The following FANK1 variants were observed in gnomAD, a reference collection of about 807,000 sequenced individuals.
FANK1 encodes fibronectin type III and ankyrin repeat domains 1.
Under a neutral mutation model 45.3 loss-of-function variants are expected in FANK1, and 44 were observed. The observed-to-expected ratio is 0.97, with a 90% confidence interval of 0.76 to 1.25. FANK1 has a LOEUF of 1.25. FANK1 is among the 50% of genes most tolerant of loss of function. The pLI is 0.00. For missense variants in FANK1, 391 were observed against 424.4 expected, an observed-to-expected ratio of 0.92 and a Z score of 0.69; for synonymous variants, 149 against 152.5, an observed-to-expected ratio of 0.98 and a Z score of 0.17.
At chr10:125,940,791 C>T (rs1948404586) in intron 1 of FANK1, among the ~76,000 whole-genome samples, 2 of 152,208 alleles carry the variant, frequency 1.3e-5, no homozygotes, top group Admixed American at 6.5e-5. Flanking sequence ...TTCCGCAGTG[C>T]GTTGTGCCCC....
intron 1 of FANK1, among the ~76,000 whole-genome samples, chr10:125,935,098 C>T (rs1589929162): frequency 6.6e-6 from 1 of 150,696 alleles, no homozygotes; most frequent in Non-Finnish European, 1.5e-5. Context: ...CCAGACATCT[C>T]CTCCTACTCT....
Position 126,004,947 on chromosome 10 carries a change from T to A in FANK1, c.603T>A (p.Ala201=). The A allele has an allele frequency of 6.2e-7, 1 of 1,614,212 alleles. No individual in the cohort carries two copies. The highest frequency in any genetic ancestry group is 8.5e-7 in the Non-Finnish European group (1 of 1,180,040). ...DVVKYLRRHG[A]SWQARDLGGC... Reference sequence around the variant, plus strand: ...TGAAATATCTCCGAAGACATGGCGCTTCTTGGCAGGCTAGAGACCTGGGAG... The same window carrying A: ...TGAAATATCTCCGAAGACATGGCGCATCTTGGCAGGCTAGAGACCTGGGAG... Residue 201 remains alanine, a synonymous_variant, in exon 7 of 11, where the codon GCT becomes GCA. Coordinates refer to ENST00000368693, the MANE Select transcript of FANK1 (RefSeq NM_145235.5).
At chr10:125,899,775 C>T (rs200014679) in intron 1 of FANK1, among the ~76,000 whole-genome samples, 1 of 152,058 alleles carries the variant, frequency 6.6e-6, no homozygotes, top group African/African-American at 2.4e-5. Flanking sequence ...ATTGTTTATG[C>T]CGATATTATC....
intron 1 of FANK1, among the ~76,000 whole-genome samples, chr10:125,925,109 T>C (rs1174703024): frequency 6.6e-6 from 1 of 152,084 alleles, no homozygotes; most frequent in Non-Finnish European, 1.5e-5. Flanking sequence ...TATGTTTGCA[T>C]TGAGTATTTT....
At chr10:125,943,846 G>A (rs1948607465) in intron 1 of FANK1, among the ~76,000 whole-genome samples, 1 of 152,228 alleles carries the variant, frequency 6.6e-6, no homozygotes, top group African/African-American at 2.4e-5. Flanking sequence ...TGGAAAATCT[G>A]AAGTAGTCAG....
At chr10:125,949,373 T>C (rs1033189988) in intron 1 of FANK1, among the ~76,000 whole-genome samples, 27 of 152,022 alleles carry the variant, frequency 1.8e-4, no homozygotes, top group Admixed American at 3.9e-4. Flanking sequence ...GAAAACCCCA[T>C]TGTCTCAGCC....
chr10:125,984,376 G>A (rs1378996773), intron 2 of FANK1, among the ~76,000 whole-genome samples: 2 of 152,210 alleles, frequency 1.3e-5, no homozygotes, highest in Non-Finnish European at 2.9e-5. Flanking sequence ...AGCAAGACAT[G>A]CAGCCATGTC....
At chr10:125,996,457 A>G (rs1471257057) in intron 4 of FANK1, 93 bp from the exon 5 acceptor site, 5 of 1,134,238 alleles carry the variant, frequency 4.4e-6, no homozygotes, top group Non-Finnish European at 6.4e-6. Context: ...AAAATGAGTC[A>G]TTTTACCCAC....
intron 1 of FANK1, among the ~76,000 whole-genome samples, chr10:125,909,369 T>C (rs1945802812): frequency 1.3e-5 from 2 of 152,198 alleles, no homozygotes; most frequent in Non-Finnish European, 2.9e-5. Flanking sequence ...GAAACAGCTT[T>C]GGCTTTTTAT....
intron 8 of FANK1, 81 bp downstream of exon 8, chr10:126,008,631 GAGTTCAGCCCTGCACC>G: frequency 6.6e-7 from 1 of 1,507,414 alleles, no homozygotes; most frequent in Non-Finnish European, 9.0e-7. Context: ...CAATTCTTGT[GAGTTCAGCCCTGCACC>G]AGCCCTTGGG....
chr10:126,008,822 T>G (rs1440216847), intron 8 of FANK1, among the ~76,000 whole-genome samples: 1 of 152,216 alleles, frequency 6.6e-6, no homozygotes, highest in Non-Finnish European at 1.5e-5. Context: ...AACAAGCTGC[T>G]TTCTGTTCTG....
At chr10:125,978,569 G>A (rs1950994001) in intron 1 of FANK1, among the ~76,000 whole-genome samples, 1 of 152,172 alleles carries the variant, frequency 6.6e-6, no homozygotes. Flanking sequence ...GAGGGAACGG[G>A]ATAGGTACCT....
chr10:125,972,814 T>C (rs1950601075), intron 1 of FANK1: 1 of 146,454 alleles, frequency 6.8e-6, no homozygotes, highest in Admixed American at 6.8e-5. Context: ...CGTGTGTGTG[T>C]TCACTGAGGC....
At chr10:125,915,624 G>A (rs1376498730) in intron 1 of FANK1, among the ~76,000 whole-genome samples, 3 of 152,190 alleles carry the variant, frequency 2.0e-5, no homozygotes, top group Non-Finnish European at 2.9e-5. Flanking sequence ...AGACCAGCCT[G>A]AGCAACATAG....
At position 125,969,774 on chromosome 10, in the gene FANK1, C is replaced by G. The variant is rs193272154; in HGVS notation, c.14-10387C>G. On this transcript the variant is annotated intron_variant, in intron 1 of 10. Transcript: ENST00000368693. ...TTTTCCTAGGCAGAGGACCCTGTGG[C>G]CTTCCCCAGTGTTTGTGTCCCTGGG... Among the ~76,000 whole-genome samples, 711 of 152,080 alleles carry G rather than the reference C, an allele frequency of 4.7e-3. 2 individuals carry two copies. The highest frequency in any genetic ancestry group is 8.2e-3 in the Non-Finnish European group (558 of 67,984).
intron 1 of FANK1, among the ~76,000 whole-genome samples, chr10:125,899,048 C>T (rs1316326102): frequency 2.6e-5 from 4 of 151,910 alleles, no homozygotes; most frequent in Non-Finnish European, 5.9e-5. Context: ...GTGTGTGCCA[C>T]CATACCCCGC....
intron 1 of FANK1, among the ~76,000 whole-genome samples, chr10:125,912,447 T>A (rs1405399499): frequency 3.0e-4 from 2 of 6,672 alleles, no homozygotes; most frequent in Non-Finnish European, 8.0e-4. Context: ...CACCAAAGTG[T>A]GTGTGTGTGT....
At chr10:125,995,215 A>C (rs1180494706) in intron 3 of FANK1, among the ~76,000 whole-genome samples, 1 of 152,220 alleles carries the variant, frequency 6.6e-6, no homozygotes, top group Non-Finnish European at 1.5e-5. Flanking sequence ...GCTTTAGGTC[A>C]GTCAAAATGT....
chr10:125,904,099 C>T (rs1338948621), intron 1 of FANK1, among the ~76,000 whole-genome samples: 2 of 152,104 alleles, frequency 1.3e-5, no homozygotes, highest in Non-Finnish European at 2.9e-5. Flanking sequence ...AGTTTTTCTT[C>T]TGTATTGTTA....
Sources: allele counts gnomAD v4.1 joint callset (sites outside exome capture counted in the v4.1 genomes callset), GRCh38; gene constraint gnomAD v4.1.1; transcripts MANE v1.5; gene names NCBI Gene and HGNC (gene_info 2026-07-23, HGNC 2026-07-21).